The following TMCO4 variants were observed in gnomAD, a reference collection of about 807,000 sequenced individuals.
TMCO4 encodes the protein transmembrane and coiled-coil domains 4.
TMCO4 carries 58 observed loss-of-function variants against 64.7 expected under a neutral mutation model. The observed-to-expected ratio is 0.90, with a 90% CI of 0.73 to 1.12. The LOEUF is 1.12. Ranked by LOEUF, TMCO4 falls within the 50% of genes most tolerant of loss-of-function variation. The pLI is 0.00. For missense variants in TMCO4, 780 were observed against 825.9 expected, an observed-to-expected ratio of 0.94 and a Z score of 0.68; for synonymous variants, 325 against 346.1, an observed-to-expected ratio of 0.94 and a Z score of 0.68.
chr1:19,707,879 TGGA>T (rs1456311140), intron 13 of TMCO4, among the ~76,000 whole-genome samples: 1 of 152,080 alleles, frequency 6.6e-6, no homozygotes, highest in Admixed American at 6.6e-5. Flanking sequence ...CTTCCCATGG[TGGA>T]GCAGGAGAGA....
At chr1:19,771,619 G>T in intron 4 of TMCO4, 137 bp from the exon 5 acceptor site, 1 of 823,442 alleles carries the variant, frequency 1.2e-6, no homozygotes, top group African/African-American at 1.7e-5. Flanking sequence ...CAAATACAGA[G>T]GCAGTCAAAG....
chr1:19,757,164 G>T lies in TMCO4; in HGVS notation c.383-1398C>A, dbSNP rs947433307. 4.0e-5 allele frequency among the ~76,000 whole-genome samples: 6 copies of T among 151,068 alleles called. 1 individual carries two copies. Among genetic ancestry groups the T allele is most frequent in the Admixed American group, 2.0e-4 (3 of 15,138 alleles). ...AAATTAGCCAGGCGTGGTGGCGGGG[G>T]GGGGCGCCTGTAATTTCCAGCAACT... On this transcript the variant is annotated intron_variant, in intron 6 of 15. Transcript: ENST00000294543.
chr1:19,736,692 G>A (rs2095456336), intron 13 of TMCO4, among the ~76,000 whole-genome samples: 1 of 152,222 alleles, frequency 6.6e-6, no homozygotes, highest in African/African-American at 2.4e-5. Context: ...AGGAGCAGCA[G>A]CCCTCAAGCT....
At chr1:19,686,407 A>G (rs1392595404) in intron 15 of TMCO4, among the ~76,000 whole-genome samples, 2 of 152,228 alleles carry the variant, frequency 1.3e-5, no homozygotes, top group East Asian at 3.8e-4. Flanking sequence ...AAAACAGCAC[A>G]AAGACACTGC....
At position 19,746,379 on chromosome 1, in the gene TMCO4, T is replaced by C. The variant is rs541137947; in HGVS notation, c.757+77A>G. On this transcript the variant is annotated intron_variant, in intron 9 of 15. Transcript: ENST00000294543. ...CCCAGGGAGTCACTGCTGGTGAGGATCCAGGCATGTCCTTTTAGGAACTGG... is the reference window on the plus strand; with the variant it reads ...CCCAGGGAGTCACTGCTGGTGAGGACCCAGGCATGTCCTTTTAGGAACTGG... 8.2e-4 allele frequency: 1,292 copies of C among 1,577,786 alleles called. 9 individuals carry two copies. Among genetic ancestry groups the C allele is most frequent in the Admixed American group, 6.1e-3 (337 of 55,000 alleles).
At chr1:19,766,203 C>T (rs1230084644) in intron 6 of TMCO4, among the ~76,000 whole-genome samples, 1 of 152,170 alleles carries the variant, frequency 6.6e-6, no homozygotes. Context: ...GCCCACCATG[C>T]GTCCATCCGT....
intron 15 of TMCO4, among the ~76,000 whole-genome samples, chr1:19,684,831 A>C (rs1268780071): frequency 2.0e-5 from 3 of 152,164 alleles, no homozygotes; most frequent in Non-Finnish European, 4.4e-5. Context: ...TTCTTCCCTC[A>C]TGTCCTCTTT....
intron 4 of TMCO4, 141 bp from the exon 5 acceptor site, chr1:19,771,623 G>T: frequency 2.5e-6 from 2 of 791,050 alleles, no homozygotes; most frequent in Non-Finnish European, 1.9e-6. Flanking sequence ...TACAGAGGCA[G>T]TCAAAGACCT....
chr1:19,709,286 C>CG (rs59600503), intron 13 of TMCO4, among the ~76,000 whole-genome samples: 5,479 of 125,612 alleles, frequency 0.044, 351 homozygotes, highest in East Asian at 0.37. Context: ...AACATCCCGG[C>CG]GGGGGGGGGG....
At chr1:19,697,951 C>T (rs1476525586) in intron 14 of TMCO4, among the ~76,000 whole-genome samples, 1 of 152,118 alleles carries the variant, frequency 6.6e-6, no homozygotes, top group Non-Finnish European at 1.5e-5. Context: ...CCTTGTGTGC[C>T]TGGTACTTCT....
At chr1:19,689,723 T>G (rs893124158) in intron 15 of TMCO4, among the ~76,000 whole-genome samples, 2 of 152,242 alleles carry the variant, frequency 1.3e-5, no homozygotes, top group Non-Finnish European at 2.9e-5. Flanking sequence ...GCTTTTTATC[T>G]CTGATTCTTC....
chr1:19,687,158 G>A (rs1462719379), intron 15 of TMCO4, among the ~76,000 whole-genome samples: 4 of 152,088 alleles, frequency 2.6e-5, no homozygotes, highest in Non-Finnish European at 4.4e-5. Context: ...CACCATGTTG[G>A]CCGGGCTGGT....
At chr1:19,704,063 T>C (rs1480726754) in intron 13 of TMCO4, among the ~76,000 whole-genome samples, 2 of 152,336 alleles carry the variant, frequency 1.3e-5, no homozygotes, top group Non-Finnish European at 2.9e-5. Flanking sequence ...TGGGCTTCCA[T>C]GTCAGAGTTT....
At chr1:19,761,807 C>T (rs2042516748) in intron 6 of TMCO4, among the ~76,000 whole-genome samples, 1 of 152,216 alleles carries the variant, frequency 6.6e-6, no homozygotes. Flanking sequence ...AGTGGGCTCC[C>T]CTCTTGCAAA....
rs1185526412 is a variant in TMCO4 at position 19,798,198 on chromosome 1, G to A, written c.-162C>T. 1 of 153,744 alleles carries A rather than the reference G, an allele frequency of 6.5e-6. No homozygotes were observed. Among genetic ancestry groups the A allele is most frequent in the Admixed American group, 6.5e-5 (1 of 15,274 alleles). 9.5% of individuals were successfully genotyped at this position (153,744 alleles called of 1,614,324 possible). On this transcript the variant is annotated 5_prime_UTR_variant, in exon 2 of 16. Coordinates refer to ENST00000294543, the MANE Select transcript of TMCO4 (RefSeq NM_181719.7). ...TTCCCCACTCCTCATCAGCAGCCCC[G>A]GTTTATAATGTACAACACTGTTTAC...
At chr1:19,775,176 T>C (rs2043153866) in intron 4 of TMCO4, among the ~76,000 whole-genome samples, 1 of 152,174 alleles carries the variant, frequency 6.6e-6, no homozygotes, top group Non-Finnish European at 1.5e-5. Flanking sequence ...GCGATTCTCC[T>C]GCCTCAGCCT....
rs187341233 is a variant in TMCO4 at position 19,780,453 on chromosome 1, G to T, written c.179+127C>A. 9 of 1,187,334 alleles carry T rather than the reference G, an allele frequency of 7.6e-6. No homozygotes were observed. In the Admixed American group the frequency reaches 2.7e-4, roughly 36 times the overall value. The allele number at this position is 1,187,334 out of a possible 1,614,324, so 73.5% of individuals were successfully genotyped here. On this transcript the variant is annotated intron_variant, in intron 4 of 15. Transcript: ENST00000294543. ...CGGCCTGGAGGTTAGAGACCCCTGC[G>T]TTAGAGGCAAGGACAATGACTTGCC...
intron 13 of TMCO4, among the ~76,000 whole-genome samples, chr1:19,701,900 C>T (rs1050567051): frequency 6.6e-6 from 1 of 152,082 alleles, no homozygotes; most frequent in Non-Finnish European, 1.5e-5. Flanking sequence ...TTTGGGAAGC[C>T]GAGGCATAAG....
intron 4 of TMCO4, among the ~76,000 whole-genome samples, chr1:19,776,168 A>G (rs1024328588): frequency 3.3e-5 from 5 of 152,242 alleles, no homozygotes; most frequent in African/African-American, 1.2e-4. Context: ...TCAGCATCCC[A>G]GAGTGCTGGG....
Sources: allele counts gnomAD v4.1 joint callset (sites outside exome capture counted in the v4.1 genomes callset), GRCh38; gene constraint gnomAD v4.1.1; transcripts MANE v1.5; gene names NCBI Gene and HGNC (gene_info 2026-07-23, HGNC 2026-07-21).